Variants in IL1RAPL2 observed in about 807,000 individuals in gnomAD.
The protein encoded by IL1RAPL2 is X-linked interleukin-1 receptor accessory protein-like 2.
Under a neutral mutation model 44.1 loss-of-function variants are expected in IL1RAPL2, and 3 were observed. The observed-to-expected ratio is 0.07, with a 90% CI of 0.03 to 0.18. The LOEUF (loss-of-function observed/expected upper bound fraction) is 0.18, where lower values mean the gene tolerates loss of function less well. IL1RAPL2 is among the 10% of genes least tolerant of loss of function. IL1RAPL2 has a pLI of 1.00. For synonymous variants in IL1RAPL2, 181 were observed against 178.8 expected (o/e 1.01, Z -0.10); for missense variants, 391 against 496.4 (o/e 0.79, Z 2.02).
At chrX:104,942,678 C>A (rs1400478657) in intron 2 of IL1RAPL2, among the ~76,000 whole-genome samples, 1 of 111,257 alleles carries the variant, frequency 9.0e-6, no homozygotes, top group Non-Finnish European at 1.9e-5. Context: ...TAATTGAATA[C>A]CCTTTATTTC....
At chrX:104,985,019 G>T (rs2030533725) in intron 2 of IL1RAPL2, among the ~76,000 whole-genome samples, 1 of 111,788 alleles carries the variant, frequency 8.9e-6, no homozygotes, top group African/African-American at 3.2e-5. Flanking sequence ...TGGATTAAAT[G>T]ACCTTCCAGC....
At chrX:105,288,980 G>A (rs1267714893) in intron 5 of IL1RAPL2, among the ~76,000 whole-genome samples, 1 of 111,516 alleles carries the variant, frequency 9.0e-6, no homozygotes, top group Non-Finnish European at 1.9e-5. Context: ...AAGATAATCT[G>A]TGGGGGCTAC....
chrX:105,217,445 A>G (rs1335575302), intron 3 of IL1RAPL2, among the ~76,000 whole-genome samples: 1 of 111,735 alleles, frequency 8.9e-6, no homozygotes, highest in Non-Finnish European at 1.9e-5. Flanking sequence ...AAAAGTCAGG[A>G]AACAACAGGT....
intron 10 of IL1RAPL2, among the ~76,000 whole-genome samples, chrX:105,764,080 C>G (rs1231033529): frequency 1.8e-5 from 2 of 111,535 alleles, no homozygotes; most frequent in Non-Finnish European, 3.8e-5. Flanking sequence ...GTTGCCTCAA[C>G]TCTCCACTAG....
intron 2 of IL1RAPL2, among the ~76,000 whole-genome samples, chrX:104,706,550 A>G (rs1430971106): frequency 8.9e-6 from 1 of 111,895 alleles, no homozygotes; most frequent in Non-Finnish European, 1.9e-5. Flanking sequence ...TTGAAAAATC[A>G]TTTGTTCCCT....
At chrX:105,147,266 C>T (rs1569393042) in intron 2 of IL1RAPL2, among the ~76,000 whole-genome samples, 1 of 111,566 alleles carries the variant, frequency 9.0e-6, no homozygotes, top group Non-Finnish European at 1.9e-5. Flanking sequence ...CTATTATTAC[C>T]TTCTCACTTA....
At chrX:105,636,790 C>T (rs1485796942) in intron 6 of IL1RAPL2, among the ~76,000 whole-genome samples, 18 of 111,231 alleles carry the variant, frequency 1.6e-4, no homozygotes, top group Non-Finnish European at 5.7e-5. Context: ...AGGCAGTGGG[C>T]GGGGTTCAGG....
At chrX:104,662,028 T>A (rs1259089409) in intron 2 of IL1RAPL2, among the ~76,000 whole-genome samples, 3 of 112,413 alleles carry the variant, frequency 2.7e-5, no homozygotes, top group Non-Finnish European at 5.6e-5. Context: ...GCCACCCTTA[T>A]GCACAAGACA....
intron 6 of IL1RAPL2, among the ~76,000 whole-genome samples, chrX:105,642,231 C>G (rs1481958817): frequency 9.0e-6 from 1 of 110,612 alleles, no homozygotes; most frequent in African/African-American, 3.3e-5. Flanking sequence ...AGGTGGTTGG[C>G]TAATCTAAAT....
At position 105,755,190 on chromosome X, in the gene IL1RAPL2, T is replaced by C. The variant is rs750974035; in HGVS notation, c.1206T>C (p.Tyr402=). Residue 402 remains tyrosine (Y), a synonymous_variant, in exon 10 of 11, where the codon TAT becomes TAC. Coordinates refer to ENST00000372582, the MANE Select transcript of IL1RAPL2 (RefSeq NM_017416.2). ...ADETNDDNKE[Y]DAYLSYTKVD... is the part of the protein sequence containing the mutation. ...TTTATGTTTAAGACAACAAGGAATA[T>C]GATGCCTATCTCTCTTACACAAAAG... The C allele has an allele frequency of 2.5e-6, 3 of 1,193,047 alleles. No homozygotes were observed. In the Admixed American group the frequency reaches 6.7e-5, roughly 26 times the overall value.
Position 105,156,572 on chromosome X carries a change from G to A in IL1RAPL2, c.83-38903G>A, listed in dbSNP as rs190533621. Among the ~76,000 whole-genome samples the A allele has an allele frequency of 1.7e-3, 189 of 112,381 alleles. 2 individuals are homozygous for A. The highest frequency in any genetic ancestry group is 6.6e-3 in the South Asian group (18 of 2,747). On this transcript the variant is annotated intron_variant, in intron 2 of 10. Coordinates refer to ENST00000372582, the MANE Select transcript of IL1RAPL2 (RefSeq NM_017416.2). ...AACACTACACAAAGTGAATGTATTG[G>A]CACAAATGACAGACTTTGTTGGTTT...
At chrX:104,736,504 C>A (rs1054543404) in intron 2 of IL1RAPL2, among the ~76,000 whole-genome samples, 7 of 111,900 alleles carry the variant, frequency 6.3e-5, no homozygotes, top group African/African-American at 9.7e-5. Context: ...TTTAGTTAAT[C>A]ATTGAGTGTT....
intron 6 of IL1RAPL2, among the ~76,000 whole-genome samples, chrX:105,672,715 C>G (rs989418680): frequency 8.9e-6 from 1 of 112,183 alleles, no homozygotes; most frequent in African/African-American, 3.2e-5. Context: ...TTACAGCATC[C>G]TAAGAGTGAA....
At chrX:104,845,335 C>G (rs1028709258) in intron 2 of IL1RAPL2, among the ~76,000 whole-genome samples, 2 of 112,089 alleles carry the variant, frequency 1.8e-5, no homozygotes, top group African/African-American at 6.5e-5. Context: ...TCATCTGTTT[C>G]AGGAATACTT....
At chrX:104,871,720 T>C (rs1288206398) in intron 2 of IL1RAPL2, among the ~76,000 whole-genome samples, 1 of 111,707 alleles carries the variant, frequency 9.0e-6, no homozygotes, top group Non-Finnish European at 1.9e-5. Context: ...AACTGAGATA[T>C]CTTCAATATT....
intron 2 of IL1RAPL2, among the ~76,000 whole-genome samples, chrX:105,023,351 C>A (rs567323864): frequency 9.0e-6 from 1 of 111,540 alleles, no homozygotes; most frequent in East Asian, 2.8e-4. Flanking sequence ...TCCCTGATCA[C>A]CCTATCTAAA....
At chrX:104,871,402 T>C (rs760508433) in intron 2 of IL1RAPL2, among the ~76,000 whole-genome samples, 4 of 111,808 alleles carry the variant, frequency 3.6e-5, no homozygotes, top group South Asian at 7.4e-4. Flanking sequence ...AGTAGAAATA[T>C]AGAACAAGGT....
At chrX:105,544,814 T>C (rs985069340) in intron 6 of IL1RAPL2, among the ~76,000 whole-genome samples, 13 of 111,389 alleles carry the variant, frequency 1.2e-4, no homozygotes, top group African/African-American at 4.2e-4. Context: ...TTCACTGCAT[T>C]CTTTTCAGTT....
Position 105,079,254 on chromosome X carries a change from A to T in IL1RAPL2, c.83-116221A>T, listed in dbSNP as rs1332669246. 6.3e-5 allele frequency among the ~76,000 whole-genome samples: 7 copies of T among 111,479 alleles called. No individual in the cohort carries two copies. In the Admixed American group the frequency reaches 6.6e-4, roughly 11 times the overall value. On this transcript the variant is annotated intron_variant, in intron 2 of 10. Transcript: ENST00000372582. ...AATTAGTTCAACCATTGTGGAAGAC[A>T]GTGTGGAGATTCCTCAAGGATCTAG...
Sources: gnomAD v4.1 joint callset for allele counts (sites outside exome capture counted in the v4.1 genomes callset) on GRCh38, gnomAD v4.1.1 for gene constraint, MANE v1.5 for transcripts, NCBI Gene and HGNC (gene_info 2026-07-23, HGNC 2026-07-21) for gene names.